The following THSD7B variants were observed in gnomAD, a reference collection of about 807,000 sequenced individuals.
THSD7B encodes the protein thrombospondin type-1 domain-containing protein 7B.
Under a neutral mutation model 213.6 loss-of-function variants are expected in THSD7B, and 138 were observed. That is an observed-to-expected ratio of 0.65 (90% confidence interval 0.56 to 0.74). The LOEUF (loss-of-function observed/expected upper bound fraction) is 0.74. Ranked by LOEUF, THSD7B falls within the 30% of genes least tolerant of loss-of-function variation. THSD7B has a pLI of 0.00. For synonymous variants in THSD7B, 742 were observed against 687.0 expected (o/e 1.08, Z -1.25); for missense variants, 1,931 against 1,991.5 (o/e 0.97, Z 0.58).
At chr2:137,585,922 T>A (rs1267730052) in intron 17 of THSD7B, among the ~76,000 whole-genome samples, 2 of 152,200 alleles carry the variant, frequency 1.3e-5, no homozygotes, top group Non-Finnish European at 2.9e-5. Flanking sequence ...ATCTGTCTAA[T>A]GTTGACAGTG....
intron 3 of THSD7B, among the ~76,000 whole-genome samples, chr2:137,076,924 ATT>A (rs1447735149): frequency 2.0e-5 from 3 of 151,752 alleles, no homozygotes; most frequent in African/African-American, 7.3e-5. Context: ...TGCTACACCC[ATT>A]AACTTGTCAT....
chr2:137,279,039 G>A (rs910289395), intron 12 of THSD7B, among the ~76,000 whole-genome samples: 3 of 151,974 alleles, frequency 2.0e-5, no homozygotes, highest in Admixed American at 6.6e-5. Context: ...CAAAAAAACA[G>A]CAGTAGAAAA....
chr2:136,766,112 A>C (rs1681384750), intron 1 of THSD7B, among the ~76,000 whole-genome samples: 1 of 152,208 alleles, frequency 6.6e-6, no homozygotes, highest in Admixed American at 6.5e-5. Context: ...CTCGGCGCCC[A>C]AAATCGAAAG....
At chr2:137,072,887 T>C (rs1687527668) in intron 3 of THSD7B, among the ~76,000 whole-genome samples, 1 of 152,206 alleles carries the variant, frequency 6.6e-6, no homozygotes, top group African/African-American at 2.4e-5. Flanking sequence ...TTTGGTTCTG[T>C]TTATATGCTG....
chr2:136,843,131 C>T (rs546091940), intron 1 of THSD7B, among the ~76,000 whole-genome samples: 8 of 141,006 alleles, frequency 5.7e-5, no homozygotes, highest in South Asian at 2.5e-4. Context: ...CTTCCAAATA[C>T]GGCATTGCTT....
At chr2:136,804,768 C>G (rs940531691) in intron 1 of THSD7B, among the ~76,000 whole-genome samples, 2 of 152,170 alleles carry the variant, frequency 1.3e-5, no homozygotes, top group African/African-American at 4.8e-5. Context: ...CTTCAAAAAT[C>G]TCCTTAAGTA....
intron 12 of THSD7B, among the ~76,000 whole-genome samples, chr2:137,320,229 A>G (rs1326035738): frequency 6.6e-6 from 1 of 152,220 alleles, no homozygotes; most frequent in African/African-American, 2.4e-5. Context: ...TTACATGTGC[A>G]AAGATACTAT....
chr2:136,891,472 G>A (rs950760705), intron 2 of THSD7B, among the ~76,000 whole-genome samples: 3 of 152,090 alleles, frequency 2.0e-5, no homozygotes, highest in African/African-American at 7.2e-5. Context: ...TTTTTTCTCT[G>A]GAAGTCTATT....
chr2:137,241,414 T>C (rs1289178948), intron 9 of THSD7B, among the ~76,000 whole-genome samples: 2 of 152,250 alleles, frequency 1.3e-5, no homozygotes, highest in Admixed American at 1.3e-4. Context: ...CTCTTGCTAT[T>C]TGCTGAGACT....
At chr2:136,775,421 T>C (rs1048097452) in intron 1 of THSD7B, among the ~76,000 whole-genome samples, 1 of 152,090 alleles carries the variant, frequency 6.6e-6, no homozygotes, top group African/African-American at 2.4e-5. Flanking sequence ...GTCAAGGCAC[T>C]AGAAAAAGGT....
intron 20 of THSD7B, among the ~76,000 whole-genome samples, chr2:137,636,684 T>C (rs991166095): frequency 2.6e-5 from 4 of 152,258 alleles, no homozygotes; most frequent in African/African-American, 9.6e-5. Flanking sequence ...TAAAGACTTT[T>C]TGTATTCTCA....
intron 2 of THSD7B, among the ~76,000 whole-genome samples, chr2:136,976,828 A>G (rs1685489461): frequency 1.3e-5 from 2 of 151,820 alleles, no homozygotes; most frequent in Admixed American, 6.6e-5. Flanking sequence ...TCACTGTGTT[A>G]GCCAGGATAG....
At chr2:137,370,831 A>G (rs1413771119) in intron 12 of THSD7B, among the ~76,000 whole-genome samples, 1 of 152,056 alleles carries the variant, frequency 6.6e-6, no homozygotes, top group Non-Finnish European at 1.5e-5. Context: ...TACACTTCCC[A>G]TCTTCTCCAA....
At chr2:137,574,082 T>C (rs181496539) in intron 17 of THSD7B, among the ~76,000 whole-genome samples, 1 of 152,214 alleles carries the variant, frequency 6.6e-6, no homozygotes, top group African/African-American at 2.4e-5. Flanking sequence ...TAATTAAATG[T>C]AAGGTCATGA....
chr2:137,370,095 A>G (rs1685510375), intron 12 of THSD7B, among the ~76,000 whole-genome samples: 1 of 152,152 alleles, frequency 6.6e-6, no homozygotes, highest in Non-Finnish European at 1.5e-5. Flanking sequence ...TATTGACAAA[A>G]GTAGGAAAAT....
intron 2 of THSD7B, among the ~76,000 whole-genome samples, chr2:137,033,681 C>G (rs1320111821): frequency 6.6e-6 from 1 of 152,122 alleles, no homozygotes; most frequent in African/African-American, 2.4e-5. Flanking sequence ...GGCACAATCT[C>G]GGCTCACTGC....
At chr2:136,880,010 A>G (rs2433925) in intron 1 of THSD7B, among the ~76,000 whole-genome samples, 96,674 of 151,868 alleles carry the variant, frequency 0.64, 32,225 homozygotes, top group Non-Finnish European at 0.74. Flanking sequence ...CCTACACAAT[A>G]ATAATGGGAA....
chr2:137,414,367 AT>A (rs1473484945), intron 14 of THSD7B, among the ~76,000 whole-genome samples: 1 of 152,028 alleles, frequency 6.6e-6, no homozygotes, highest in Non-Finnish European at 1.5e-5. Context: ...AGAAAAAAAA[AT>A]CTTTTAATGG....
intron 1 of THSD7B, among the ~76,000 whole-genome samples, chr2:136,844,462 C>CAGAGAGATAG (rs1682968492): frequency 7.0e-6 from 1 of 142,518 alleles, no homozygotes; most frequent in Non-Finnish European, 1.5e-5. Flanking sequence ...CCACCCAAAA[C>CAGAGAGATAG]AGAGAGAGAG....
Sources: gnomAD v4.1 joint callset for allele counts (sites outside exome capture counted in the v4.1 genomes callset) on GRCh38, gnomAD v4.1.1 for gene constraint, MANE v1.5 for transcripts, NCBI Gene and HGNC (gene_info 2026-07-23, HGNC 2026-07-21) for gene names.